Variants in PRKCE observed in about 807,000 individuals in gnomAD.
PRKCE encodes protein kinase C epsilon type.
PRKCE carries 16 observed loss-of-function variants against 85.4 expected under a neutral mutation model. The observed-to-expected ratio is 0.19, with a 90% confidence interval of 0.13 to 0.28. The LOEUF is 0.28. Ranked by LOEUF, PRKCE falls within the 10% of genes least tolerant of loss-of-function variation. The pLI, the probability that PRKCE is intolerant of heterozygous loss-of-function variation, is 1.00. For synonymous variants in PRKCE, 388 were observed against 371.5 expected, an observed-to-expected ratio of 1.04 and a Z score of -0.51; for missense variants, 573 against 975.2, an observed-to-expected ratio of 0.59 and a Z score of 5.49.
chr2:46,082,435 C>T (rs1208246606), intron 10 of PRKCE, among the ~76,000 whole-genome samples: 2 of 152,134 alleles, frequency 1.3e-5, no homozygotes, highest in Non-Finnish European at 2.9e-5. Flanking sequence ...GCCCCGAGAC[C>T]TAGAGAACTA....
chr2:45,745,585 C>T (rs1012451259), intron 1 of PRKCE, among the ~76,000 whole-genome samples: 2 of 152,194 alleles, frequency 1.3e-5, no homozygotes, highest in Non-Finnish European at 2.9e-5. Context: ...CAGATAACCA[C>T]TCCCAAATGG....
Position 46,187,914 on chromosome 2 carries a change from G to A in PRKCE, c.*3033G>A, listed in dbSNP as rs1680559042. 6.6e-6 allele frequency: 1 copy of A among 151,278 alleles called. No homozygotes were observed. Among genetic ancestry groups the A allele is most frequent in the Non-Finnish European group, 1.5e-5 (1 of 67,864 alleles). 9.4% of individuals were successfully genotyped at this position (151,278 alleles called of 1,614,324 possible). Reference sequence around the variant, plus strand: ...GTTATTTCATTGTAAACGTTATTGTGCCAAATGTACTGTATTCAAAAGGAT... The same window carrying A: ...GTTATTTCATTGTAAACGTTATTGTACCAAATGTACTGTATTCAAAAGGAT... On this transcript the variant is annotated 3_prime_UTR_variant, in exon 15 of 15. Coordinates refer to ENST00000306156, the MANE Select transcript of PRKCE (RefSeq NM_005400.3).
intron 2 of PRKCE, among the ~76,000 whole-genome samples, chr2:45,937,786 G>A (rs372445858): frequency 2.6e-5 from 4 of 152,036 alleles, no homozygotes; most frequent in South Asian, 4.2e-4. Context: ...ATTATCGAAC[G>A]CCTACTGTGT....
At position 46,068,954 on chromosome 2, in the gene PRKCE, G is replaced by A. The variant is rs1247873673; in HGVS notation, c.1438-17254G>A. On this transcript the variant is annotated intron_variant, in intron 10 of 14. Transcript: ENST00000306156. The surrounding 1 kb of genome is among the most constrained non-coding windows in gnomAD (Gnocchi z 4.3). ...ACCTGGGAGCCTCTTAGAAATGCAG[G>A]ATTTCCGGTCCCAACTTAGACCTGC... 6.6e-6 allele frequency among the ~76,000 whole-genome samples: 1 copy of A among 152,208 alleles called. No homozygotes were observed. Among genetic ancestry groups the A allele is most frequent in the Non-Finnish European group, 1.5e-5 (1 of 68,022 alleles).
intron 1 of PRKCE, among the ~76,000 whole-genome samples, chr2:45,802,096 A>C (rs1283373589): frequency 4.0e-5 from 6 of 151,652 alleles, no homozygotes; most frequent in South Asian, 2.1e-4. Context: ...AAAAAAAAAA[A>C]AAAAAAACAC....
chr2:46,059,819 A>AAAC (rs375770528), intron 10 of PRKCE, among the ~76,000 whole-genome samples: 42 of 152,238 alleles, frequency 2.8e-4, no homozygotes, highest in Non-Finnish European at 4.3e-4. Context: ...TGTCTCTTTA[A>AAAC]AACAACAACA....
chr2:45,790,298 A>G (rs912706535), intron 1 of PRKCE, among the ~76,000 whole-genome samples: 37 of 152,244 alleles, frequency 2.4e-4, no homozygotes, highest in African/African-American at 8.7e-4. Context: ...GTTTCAACCG[A>G]GATTCAGGGG....
intron 2 of PRKCE, among the ~76,000 whole-genome samples, chr2:45,890,272 C>T (rs1019914517): frequency 2.0e-5 from 3 of 152,180 alleles, no homozygotes; most frequent in Admixed American, 1.3e-4. Context: ...AGTCTTGCTT[C>T]ATCTGTACTT....
chr2:45,806,124 C>A (rs899268848), intron 1 of PRKCE, among the ~76,000 whole-genome samples: 3 of 152,112 alleles, frequency 2.0e-5, no homozygotes, highest in Non-Finnish European at 4.4e-5. Context: ...GATACTGGGG[C>A]GCTCATCCCA....
intron 2 of PRKCE, among the ~76,000 whole-genome samples, chr2:45,970,461 A>C (rs1702034295): frequency 6.6e-6 from 1 of 152,210 alleles, no homozygotes; most frequent in Non-Finnish European, 1.5e-5. Context: ...GGAAACAATC[A>C]GAGAAATTCA....
At chr2:45,940,086 T>G (rs1434557995) in intron 2 of PRKCE, among the ~76,000 whole-genome samples, 2 of 152,216 alleles carry the variant, frequency 1.3e-5, no homozygotes, top group African/African-American at 2.4e-5. Flanking sequence ...GCCTTCTTCT[T>G]TTTTGCGCTC....
At chr2:46,135,506 G>C (rs1674882199) in intron 11 of PRKCE, among the ~76,000 whole-genome samples, 1 of 151,992 alleles carries the variant, frequency 6.6e-6, no homozygotes, top group Non-Finnish European at 1.5e-5. Flanking sequence ...AGCACTTGTG[G>C]GATTAAATGA....
chr2:45,721,609 C>T (rs1200955041), intron 1 of PRKCE, among the ~76,000 whole-genome samples: 4 of 152,080 alleles, frequency 2.6e-5, no homozygotes, highest in Admixed American at 6.6e-5. Flanking sequence ...TGGTGGCTCA[C>T]GCCTGTAATC....
chr2:45,729,851 T>C (rs1444599282), intron 1 of PRKCE, among the ~76,000 whole-genome samples: 2 of 152,154 alleles, frequency 1.3e-5, no homozygotes, highest in East Asian at 3.9e-4. Flanking sequence ...GGGGAGCAGA[T>C]CTGTCAATGG....
chr2:45,780,839 C>T (rs939388058), intron 1 of PRKCE, among the ~76,000 whole-genome samples: 1 of 152,172 alleles, frequency 6.6e-6, no homozygotes, highest in African/African-American at 2.4e-5. Context: ...TTTCTATTTT[C>T]TAAAATATCA....
chr2:45,972,018 T>C (rs1210086236), intron 2 of PRKCE, among the ~76,000 whole-genome samples: 1 of 152,210 alleles, frequency 6.6e-6, no homozygotes, highest in East Asian at 1.9e-4. Context: ...GTTCTATTTT[T>C]CGTTTCTTAA....
At chr2:46,086,154 G>C (rs1574432672) in intron 10 of PRKCE, 54 bp from the exon 11 acceptor site, 1 of 1,571,456 alleles carries the variant, frequency 6.4e-7, no homozygotes, top group Admixed American at 1.7e-5. Flanking sequence ...AAGCTGGCCT[G>C]TGTGGGCAGC....
intron 1 of PRKCE, among the ~76,000 whole-genome samples, chr2:45,655,015 G>T (rs986453671): frequency 2.6e-5 from 4 of 152,226 alleles, no homozygotes; most frequent in Non-Finnish European, 5.9e-5. Context: ...GATCTGGCCT[G>T]AAGTAAGGGG....
In PRKCE at chr2:46,118,946, T is replaced by C. The variant is rs186614882; in HGVS notation, c.1593-26147T>C. 5.0e-3 allele frequency among the ~76,000 whole-genome samples: 760 copies of C among 152,202 alleles called. 4 individuals carry two copies. The highest frequency in any genetic ancestry group is 5.1e-3 in the Non-Finnish European group (348 of 68,018). Reference sequence around the variant, plus strand: ...TGCAACAGATGGAGCAAAAGTTCCATCTTAGGATGCTGGAGACTAAATGGG... The same window carrying C: ...TGCAACAGATGGAGCAAAAGTTCCACCTTAGGATGCTGGAGACTAAATGGG... On this transcript the variant is annotated intron_variant, in intron 11 of 14. Coordinates refer to ENST00000306156, the MANE Select transcript of PRKCE (RefSeq NM_005400.3).
Sources: gnomAD v4.1 joint callset for allele counts (sites outside exome capture counted in the v4.1 genomes callset) on GRCh38, gnomAD v4.1.1 for gene constraint, Gnocchi (gnomAD v3.1) non-coding constraint, MANE v1.5 for transcripts, NCBI Gene and HGNC (gene_info 2026-07-23, HGNC 2026-07-21) for gene names.